Variants in SV2C observed in about 807,000 individuals in gnomAD.
The protein encoded by SV2C is solute carrier family 22 member B3.
A neutral mutation model predicts 79.7 loss-of-function variants in SV2C; 49 were observed. The observed-to-expected ratio is 0.61, with a 90% confidence interval of 0.49 to 0.78. SV2C has a LOEUF of 0.78. SV2C is among the 30% of genes least tolerant of loss of function. The pLI, the probability that SV2C is intolerant of heterozygous loss-of-function variation, is 0.00. For synonymous variants in SV2C, 334 were observed against 333.2 expected (o/e 1.00, Z -0.03); for missense variants, 833 against 912.9 (o/e 0.91, Z 1.13).
the SV2C span, among the ~76,000 whole-genome samples, chr5:76,014,926 G>A: frequency 6.6e-6 from 1 of 152,266 alleles, no homozygotes; most frequent in Middle Eastern, 3.4e-3. Context: ...TATAGTTACA[G>A]CCTAGTTAAG....
chr5:76,059,029 A>T, the SV2C span, among the ~76,000 whole-genome samples: 1 of 152,138 alleles, frequency 6.6e-6, no homozygotes, highest in African/African-American at 2.4e-5. Flanking sequence ...AGTTATGTTT[A>T]TACTATATTC....
the SV2C span, among the ~76,000 whole-genome samples, chr5:75,971,229 A>G: frequency 2.4e-4 from 37 of 152,196 alleles, 1 homozygote; most frequent in Admixed American, 1.3e-3. Flanking sequence ...TACTGAATGG[A>G]CAAAAACTGG....
intron 4 of SV2C, among the ~76,000 whole-genome samples, chr5:76,278,088 A>T (rs73117411): frequency 0.015 from 2,335 of 152,334 alleles, 72 homozygotes; most frequent in African/African-American, 0.053. Context: ...TTTAGTGTAG[A>T]TTCAGAAAGA....
chr5:76,023,469 T>C, the SV2C span, among the ~76,000 whole-genome samples: 1 of 152,114 alleles, frequency 6.6e-6, no homozygotes, highest in Non-Finnish European at 1.5e-5. Context: ...ATGCGTCTTA[T>C]AGGACTTTTA....
chr5:76,287,877 G>C (rs1747404192), intron 6 of SV2C, among the ~76,000 whole-genome samples: 1 of 152,164 alleles, frequency 6.6e-6, no homozygotes, highest in Non-Finnish European at 1.5e-5. Context: ...ACAAGGTCAG[G>C]AGATCGAGAC....
At chr5:76,036,784 G>A in the SV2C span, among the ~76,000 whole-genome samples, 1 of 152,106 alleles carries the variant, frequency 6.6e-6, no homozygotes, top group African/African-American at 2.4e-5. Flanking sequence ...GAATCTGAAT[G>A]TTGGCCTGCC....
At chr5:75,921,045 C>G in the SV2C span, 7 of 737,042 alleles carry the variant, frequency 9.5e-6, no homozygotes, top group African/African-American at 3.5e-5. Flanking sequence ...CACCTGATGC[C>G]ATGTTTCTTG....
chr5:76,170,011 C>T (rs1170591741), intron 2 of SV2C, among the ~76,000 whole-genome samples: 1 of 151,794 alleles, frequency 6.6e-6, no homozygotes, highest in Non-Finnish European at 1.5e-5. Context: ...ACAATTTTCT[C>T]TACAAAAATG....
chr5:76,073,939 T>G, the SV2C span, among the ~76,000 whole-genome samples: 2 of 152,108 alleles, frequency 1.3e-5, no homozygotes, highest in African/African-American at 4.8e-5. Flanking sequence ...GTAGAGAAAC[T>G]TGATGAGTCT....
intron 4 of SV2C, among the ~76,000 whole-genome samples, chr5:76,223,458 T>TATAC (rs1745138260): frequency 2.5e-5 from 1 of 39,332 alleles, no homozygotes; most frequent in Non-Finnish European, 4.0e-5. Context: ...TATATATATA[T>TATAC]ATATATATAT....
At chr5:75,890,685 C>T in the SV2C span, among the ~76,000 whole-genome samples, 63 of 152,146 alleles carry the variant, frequency 4.1e-4, 1 homozygote, top group Admixed American at 2.2e-3. Context: ...TGCGAGGCTC[C>T]TGTGATGTCT....
the SV2C span, among the ~76,000 whole-genome samples, chr5:75,916,455 C>T: frequency 6.7e-6 from 1 of 149,374 alleles, no homozygotes; most frequent in African/African-American, 2.5e-5. Flanking sequence ...TCCTCCTCCT[C>T]CTTCTCTTCT....
the SV2C span, among the ~76,000 whole-genome samples, chr5:75,866,608 A>T: frequency 7.2e-5 from 11 of 152,254 alleles, no homozygotes; most frequent in Non-Finnish European, 1.5e-4. Flanking sequence ...TAGTGAAGAC[A>T]AAACACCTAA....
At chr5:76,073,725 CA>C in the SV2C span, among the ~76,000 whole-genome samples, 1 of 151,310 alleles carries the variant, frequency 6.6e-6, no homozygotes, top group African/African-American at 2.4e-5. Context: ...AAGAATGATA[CA>C]ATGGACTTTA....
chr5:76,296,835 A>G (rs142973912), intron 9 of SV2C, among the ~76,000 whole-genome samples: 52 of 152,342 alleles, frequency 3.4e-4, no homozygotes, highest in East Asian at 1.4e-3. Flanking sequence ...TAGCAATTCA[A>G]TGAAGGAACT....
intron 3 of SV2C, among the ~76,000 whole-genome samples, chr5:76,195,650 C>A (rs1046068284): frequency 6.6e-6 from 1 of 151,982 alleles, no homozygotes; most frequent in South Asian, 2.1e-4. Context: ...AGAGTGTAGC[C>A]GATGTTCATT....
At chr5:75,881,524 G>A in the SV2C span, among the ~76,000 whole-genome samples, 1 of 152,094 alleles carries the variant, frequency 6.6e-6, no homozygotes, top group African/African-American at 2.4e-5. Flanking sequence ...TCCCTTGTAA[G>A]TTGGATTCCT....
chr5:76,286,178 G>C (rs1440005822), intron 6 of SV2C, among the ~76,000 whole-genome samples: 1 of 152,180 alleles, frequency 6.6e-6, no homozygotes, highest in Non-Finnish European at 1.5e-5. Context: ...CAACCCAAGA[G>C]ATGGGGTTAA....
intron 2 of SV2C, among the ~76,000 whole-genome samples, chr5:76,175,461 C>T (rs867247617): frequency 6.6e-6 from 1 of 152,090 alleles, no homozygotes; most frequent in Non-Finnish European, 1.5e-5. Flanking sequence ...GACACAGAAT[C>T]TAACAGTGAA....
Sources: allele counts gnomAD v4.1 joint callset (sites outside exome capture counted in the v4.1 genomes callset), GRCh38; gene constraint gnomAD v4.1.1; transcripts MANE v1.5; gene names NCBI Gene and HGNC (gene_info 2026-07-23, HGNC 2026-07-21).